Variants in SAR1B observed in about 807,000 individuals in gnomAD.
The protein encoded by SAR1B is secretion associated Ras related GTPase 1B.
In SAR1B, 23 loss-of-function variants were observed where a neutral mutation model predicts 26.8. The ratio of observed to expected loss-of-function variants is 0.86; its 90% CI spans 0.62 to 1.22. SAR1B has a LOEUF of 1.22. Ranked by LOEUF, SAR1B falls within the 50% of genes most tolerant of loss-of-function variation. The pLI is 0.00. For missense variants in SAR1B, 196 were observed against 232.8 expected (o/e 0.84, Z 1.03); for synonymous variants, 65 against 80.8 (o/e 0.80, Z 1.05).
chr5:134,620,105 G>C (rs987962911), intron 3 of SAR1B, among the ~76,000 whole-genome samples: 3 of 152,120 alleles, frequency 2.0e-5, no homozygotes, highest in African/African-American at 7.2e-5. Flanking sequence ...AGGAGATCAA[G>C]ACCATCCTGG....
rs1765137585 is a variant in SAR1B at position 134,606,919 on chromosome 5, C to T, written c.*31G>A. 9 of 1,398,396 alleles carry T rather than the reference C, an allele frequency of 6.4e-6. No homozygotes were observed. Among genetic ancestry groups the T allele is most frequent in the South Asian group, 2.3e-5 (2 of 86,680 alleles). The allele number at this position is 1,398,396 out of a possible 1,614,324, so 86.6% of individuals were successfully genotyped here. A position where few individuals can be genotyped will look rare whatever the true frequency, so the allele number is the denominator to read the frequency against. On this transcript the variant is annotated 3_prime_UTR_variant, in exon 7 of 7. Coordinates refer to ENST00000402673, the MANE Select transcript of SAR1B (RefSeq NM_016103.4). ...AATCAAATCTCTGAGTAAGCCTGAACGTTGAGACCTGGAACCAATGTGAGT... is the reference window on the plus strand; with the variant it reads ...AATCAAATCTCTGAGTAAGCCTGAATGTTGAGACCTGGAACCAATGTGAGT...
intron 1 of SAR1B, among the ~76,000 whole-genome samples, chr5:134,630,900 T>C (rs1207593375): frequency 1.4e-4 from 20 of 141,828 alleles, no homozygotes; most frequent in Non-Finnish European, 2.2e-4. Flanking sequence ...TTTTTTTTTT[T>C]TTTTTTTTTT....
At chr5:134,625,613 G>A (rs1765481872) in intron 1 of SAR1B, among the ~76,000 whole-genome samples, 2 of 152,192 alleles carry the variant, frequency 1.3e-5, no homozygotes, top group African/African-American at 2.4e-5. Context: ...CAGCAAAGTG[G>A]AAGAGAATAT....
At chr5:134,625,678 G>T (rs2150055775) in intron 1 of SAR1B, 1 of 152,338 alleles carries the variant, frequency 6.6e-6, no homozygotes, top group South Asian at 2.1e-4. Context: ...AAACTCCAAG[G>T]CCTGGCTCTG....
rs199526981 is a variant in SAR1B at position 134,608,353 on chromosome 5, ATTTT to A, written c.480+15_480+18del. 1.2e-5 allele frequency: 18 copies of A among 1,468,494 alleles called. No individual in the cohort carries two copies. Among genetic ancestry groups the A allele is most frequent in the Admixed American group, 2.0e-5 (1 of 49,570 alleles). The allele number at this position is 1,468,494 out of a possible 1,614,324, so 91.0% of individuals were successfully genotyped here. A position where few individuals can be genotyped will look rare whatever the true frequency, so the allele number is the denominator to read the frequency against. Reference sequence around the variant, plus strand: ...TGTAGAATTAAACACACCCATCATAATTTTTTTTTTTTTTTTACCTTTCCTGTTG... The same window carrying A: ...TGTAGAATTAAACACACCCATCATAATTTTTTTTTTTTACCTTTCCTGTTG... On this transcript the variant is annotated intron_variant, in intron 6 of 6. Coordinates refer to ENST00000402673, the MANE Select transcript of SAR1B (RefSeq NM_016103.4).
intron 2 of SAR1B, among the ~76,000 whole-genome samples, chr5:134,622,940 G>A (rs1416995900): frequency 1.3e-5 from 2 of 150,240 alleles, no homozygotes; most frequent in African/African-American, 2.4e-5. Flanking sequence ...TGGCCAACAC[G>A]GTGAAACCCC....
At chr5:134,624,982 G>A (rs557541520) in intron 1 of SAR1B, among the ~76,000 whole-genome samples, 1 of 152,206 alleles carries the variant, frequency 6.6e-6, no homozygotes. Flanking sequence ...ATAAACTAAA[G>A]AGAAGGAGAT....
At chr5:134,614,978 G>T (rs1765283152) in intron 3 of SAR1B, 1 of 152,104 alleles carries the variant, frequency 6.6e-6, no homozygotes, top group Non-Finnish European at 1.5e-5. Flanking sequence ...CTCACTTATG[G>T]CCAAAAGCAC....
intron 1 of SAR1B, among the ~76,000 whole-genome samples, chr5:134,629,147 C>T (rs1226036037): frequency 6.6e-6 from 1 of 151,208 alleles, no homozygotes; most frequent in Admixed American, 6.6e-5. Flanking sequence ...ATGAACTGGG[C>T]ATGATGGCTC....
chr5:134,622,117 T>G (rs1317597887), intron 2 of SAR1B, among the ~76,000 whole-genome samples: 1 of 152,188 alleles, frequency 6.6e-6, no homozygotes, highest in Non-Finnish European at 1.5e-5. Flanking sequence ...TTAAAGACAT[T>G]AGGCAATTAT....
chr5:134,615,054 A>C (rs1765284356), intron 3 of SAR1B, among the ~76,000 whole-genome samples: 3 of 152,192 alleles, frequency 2.0e-5, no homozygotes, highest in Admixed American at 2.0e-4. Flanking sequence ...TTATCTTCTT[A>C]AGAAATTCTG....
chr5:134,632,489 A>G (rs897402877), intron 1 of SAR1B, among the ~76,000 whole-genome samples: 1 of 152,168 alleles, frequency 6.6e-6, no homozygotes, highest in African/African-American at 2.4e-5. Context: ...TCTTTCCTGA[A>G]AAGACCAAGC....
intron 4 of SAR1B, 50 bp downstream of exon 4, chr5:134,612,641 T>TTAAAAAAA (rs1765234275): frequency 2.6e-6 from 2 of 767,852 alleles, no homozygotes; most frequent in East Asian, 9.4e-5. Context: ...TGAGCCTGTC[T>TTAAAAAAA]AAAAAAAAAA....
In SAR1B at chr5:134,608,419, C is replaced by G. The variant is rs745696610; in HGVS notation, c.433G>C (p.Glu145Gln). Residue 145 changes from glutamate to glutamine, a missense_variant, in exon 6 of 7, where the codon GAG (glutamate) becomes CAG (glutamine). Physicochemically the swap from Glu to Gln is conservative, Grantham distance 29. Coordinates refer to ENST00000402673, the MANE Select transcript of SAR1B (RefSeq NM_016103.4). ...AAACCAAACATCTCTCGCAACCTCT[C>G]TTCACTGATGGCTTCAGGTCTGTCG... ...KIDRPEAISE[E>Q]RLREMFGLYG... The G allele has an allele frequency of 1.2e-6, 2 of 1,606,660 alleles. No individual in the cohort carries two copies. Among genetic ancestry groups the G allele is most frequent in the South Asian group, 2.2e-5 (2 of 90,288 alleles).
Position 134,612,684 on chromosome 5 carries a change from A to AAAATTAAAT in SAR1B, c.244+6_244+7insATTTAATTT. 1 of 1,017,748 alleles carries AAAATTAAAT rather than the reference A, an allele frequency of 9.8e-7. No individual in the cohort carries two copies. The highest frequency in any genetic ancestry group is 1.4e-6 in the Non-Finnish European group (1 of 711,304). The allele number at this position is 1,017,748 out of a possible 1,614,324, so 63.0% of individuals were successfully genotyped here. ...AAAAAAAAAAAAAAAAAAAAAAAGA[A>AAAATTAAAT]TCTTACCTTGAACATGTCCACCCAG... On this transcript the variant is annotated splice_region_variant and intron_variant, in intron 4 of 6. Coordinates refer to ENST00000402673, the MANE Select transcript of SAR1B (RefSeq NM_016103.4).
Position 134,604,570 on chromosome 5 carries a change from A to C in SAR1B, c.*2380T>G, listed in dbSNP as rs1765099488. The C allele has an allele frequency of 6.6e-6, 1 of 152,228 alleles. No individual in the cohort carries two copies. The highest frequency in any genetic ancestry group is 2.1e-4 in the South Asian group (1 of 4,836). 9.4% of individuals were successfully genotyped at this position (152,228 alleles called of 1,614,324 possible). A position where few individuals can be genotyped will look rare whatever the true frequency, so the allele number is the denominator to read the frequency against. The stretch of plus-strand genomic sequence containing the variant: ...CTGGGAGGAAAGCTGGTTGCTCCTA[A>C]ACATGGCTTCCTTTCTAGAGGCTCG... On this transcript the variant is annotated 3_prime_UTR_variant, in exon 7 of 7. Transcript: ENST00000402673.
intron 3 of SAR1B, among the ~76,000 whole-genome samples, chr5:134,620,521 G>A (rs890375775): frequency 1.3e-5 from 2 of 152,118 alleles, no homozygotes; most frequent in Non-Finnish European, 2.9e-5. Context: ...TTTAGGAACA[G>A]GTCAAATCAC....
chr5:134,615,480 A>G (rs1185634924), intron 3 of SAR1B, among the ~76,000 whole-genome samples: 1 of 151,048 alleles, frequency 6.6e-6, no homozygotes, highest in African/African-American at 2.4e-5. Flanking sequence ...GCGCCATTGC[A>G]CTCCAGCCTG....
intron 5 of SAR1B, chr5:134,609,135 T>G (rs1765174953): frequency 2.2e-6 from 1 of 457,012 alleles, no homozygotes; most frequent in Admixed American, 2.4e-5. Flanking sequence ...ATATCTGACC[T>G]GGGATACTGG....
Sources: allele counts gnomAD v4.1 joint callset (sites outside exome capture counted in the v4.1 genomes callset), GRCh38; gene constraint gnomAD v4.1.1; transcripts MANE v1.5; gene names NCBI Gene and HGNC (gene_info 2026-07-23, HGNC 2026-07-21).